The following AP3B1 variants were observed in gnomAD, a reference collection of about 807,000 sequenced individuals.
The protein encoded by AP3B1 is adaptor related protein complex 3 subunit beta 1.
Under a neutral mutation model 132.5 loss-of-function variants are expected in AP3B1, and 61 were observed. The ratio of observed to expected loss-of-function variants is 0.46; its 90% confidence interval spans 0.37 to 0.57. The LOEUF (loss-of-function observed/expected upper bound fraction) is 0.57. AP3B1 is among the 20% of genes least tolerant of loss of function. The pLI is 0.00. For missense variants in AP3B1, 1,120 were observed against 1,289.4 expected, an observed-to-expected ratio of 0.87 and a Z score of 2.01; for synonymous variants, 388 against 438.3, an observed-to-expected ratio of 0.89 and a Z score of 1.43.
rs753971645 is a variant in AP3B1, at chr5:78,201,132, T to A, written c.786+14923A>T. Among the ~76,000 whole-genome samples, 71 of 152,124 alleles carry A rather than the reference T, an allele frequency of 4.7e-4. 1 individual carries two copies. The highest frequency in any genetic ancestry group is 2.0e-4 in the Admixed American group (3 of 15,262). On this transcript the variant is annotated intron_variant, in intron 7 of 26. Transcript: ENST00000255194. Reference sequence around the variant, plus strand: ...CCTTGAGATCTTGCACTTCTAGATATCAGAACTGTGAGAAAATAAATTTCT... The same window carrying A: ...CCTTGAGATCTTGCACTTCTAGATAACAGAACTGTGAGAAAATAAATTTCT...
intron 21 of AP3B1, among the ~76,000 whole-genome samples, chr5:78,096,320 G>C (rs1750781871): frequency 6.6e-6 from 1 of 152,154 alleles, no homozygotes; most frequent in South Asian, 2.1e-4. Flanking sequence ...GTGCTCAATG[G>C]TGCCCAGGCT....
chr5:78,161,275 G>GA (rs199792628), intron 13 of AP3B1, among the ~76,000 whole-genome samples: 3 of 150,334 alleles, frequency 2.0e-5, no homozygotes, highest in African/African-American at 7.3e-5. Context: ...TTTTCCATTA[G>GA]AAAAAAAAAG....
intron 20 of AP3B1, chr5:78,101,300 G>A (rs1262633679): frequency 8.8e-6 from 4 of 456,194 alleles, no homozygotes; most frequent in South Asian, 1.8e-5. Context: ...TTCTACAATC[G>A]GACAACTTCT....
chr5:78,141,086 G>T (rs1387247249), intron 15 of AP3B1, 57 bp downstream of exon 15: 3 of 1,518,918 alleles, frequency 2.0e-6, no homozygotes, highest in African/African-American at 1.4e-5. Context: ...CCCGCTGTTT[G>T]ATCAGAGTGA....
intron 20 of AP3B1, among the ~76,000 whole-genome samples, chr5:78,102,514 C>T (rs1344502788): frequency 6.6e-6 from 1 of 151,730 alleles, no homozygotes; most frequent in Non-Finnish European, 1.5e-5. Flanking sequence ...AATGAGTAAA[C>T]AATGTCTAAG....
chr5:78,281,909 GA>G (rs1438093337), intron 1 of AP3B1, among the ~76,000 whole-genome samples: 8 of 151,390 alleles, frequency 5.3e-5, no homozygotes, highest in African/African-American at 1.9e-4. Context: ...TCAAATAGGG[GA>G]AAAAATGGTT....
At chr5:78,050,661 T>A (rs1165600062) in intron 22 of AP3B1, among the ~76,000 whole-genome samples, 3 of 152,240 alleles carry the variant, frequency 2.0e-5, no homozygotes, top group Admixed American at 1.3e-4. Context: ...GAGGGACTTC[T>A]ATAATTCAAA....
intron 22 of AP3B1, among the ~76,000 whole-genome samples, chr5:78,087,972 T>C (rs903325162): frequency 2.0e-5 from 3 of 152,156 alleles, no homozygotes; most frequent in African/African-American, 4.8e-5. Flanking sequence ...CTTAGGAAAA[T>C]GAGGTGTAAA....
At chr5:78,033,479 T>C (rs551300150) in intron 24 of AP3B1, among the ~76,000 whole-genome samples, 1 of 152,098 alleles carries the variant, frequency 6.6e-6, no homozygotes, top group Non-Finnish European at 1.5e-5. Flanking sequence ...AAGTTCACTA[T>C]GTTTAATCTA....
At chr5:78,281,441 A>T (rs956475579) in intron 1 of AP3B1, among the ~76,000 whole-genome samples, 11 of 151,650 alleles carry the variant, frequency 7.3e-5, no homozygotes, top group African/African-American at 2.7e-4. Flanking sequence ...CCTCAAAAAA[A>T]AAAAAAAAAA....
chr5:78,017,186 A>G (rs1746897479), intron 25 of AP3B1, among the ~76,000 whole-genome samples: 1 of 152,106 alleles, frequency 6.6e-6, no homozygotes. Flanking sequence ...CATTGAAGTA[A>G]AATTAAAAAA....
intron 1 of AP3B1, among the ~76,000 whole-genome samples, chr5:78,292,248 T>G (rs1011589062): frequency 6.6e-6 from 1 of 152,218 alleles, no homozygotes; most frequent in Non-Finnish European, 1.5e-5. Context: ...TGAGAAAATG[T>G]GGACTCAAGA....
chr5:78,232,522 C>T (rs1202151041), intron 3 of AP3B1, among the ~76,000 whole-genome samples: 2 of 152,114 alleles, frequency 1.3e-5, no homozygotes, highest in African/African-American at 4.8e-5. Flanking sequence ...CTGCCCTTCC[C>T]AATAATCCAC....
intron 2 of AP3B1, among the ~76,000 whole-genome samples, chr5:78,258,962 G>C (rs147483220): frequency 0.013 from 1,924 of 152,304 alleles, 50 homozygotes; most frequent in African/African-American, 0.044. Flanking sequence ...ATCTGGCCGG[G>C]CACGGTGGCT....
At chr5:78,153,412 C>T (rs1259696618) in intron 14 of AP3B1, among the ~76,000 whole-genome samples, 2 of 151,202 alleles carry the variant, frequency 1.3e-5, no homozygotes, top group East Asian at 1.9e-4. Context: ...TGTCTTTTTC[C>T]ATCCCTTTTT....
intron 1 of AP3B1, among the ~76,000 whole-genome samples, chr5:78,268,903 C>A (rs141246997): frequency 1.3e-5 from 2 of 152,128 alleles, no homozygotes; most frequent in African/African-American, 4.8e-5. Context: ...CAGCTTCTCA[C>A]GTATGTCATA....
intron 7 of AP3B1, among the ~76,000 whole-genome samples, chr5:78,202,552 A>AGTGTGTGTGTGTGTGTGTGT (rs36209977): frequency 5.5e-5 from 8 of 146,148 alleles, no homozygotes; most frequent in African/African-American, 1.3e-4. Flanking sequence ...CCATATATTC[A>AGTGTGTGTGTGTGTGTGTGT]GTGTGTGTGT....
At chr5:78,021,275 A>AT (rs1368719223) in intron 24 of AP3B1, among the ~76,000 whole-genome samples, 3 of 152,116 alleles carry the variant, frequency 2.0e-5, no homozygotes, top group Non-Finnish European at 4.4e-5. Flanking sequence ...CTAATAAAGT[A>AT]ATATCTCATC....
chr5:78,117,172 CTTT>C (rs70997968), intron 17 of AP3B1, among the ~76,000 whole-genome samples: 2 of 122,242 alleles, frequency 1.6e-5, no homozygotes, highest in Admixed American at 9.0e-5. Flanking sequence ...TCCCCACCAC[CTTT>C]TTTTTTTTTT....
Sources: allele counts gnomAD v4.1 joint callset (sites outside exome capture counted in the v4.1 genomes callset), GRCh38; gene constraint gnomAD v4.1.1; transcripts MANE v1.5; gene names NCBI Gene and HGNC (gene_info 2026-07-23, HGNC 2026-07-21).